LRBA: variants seen among roughly 807,000 people sequenced by gnomAD.
LRBA encodes LPS responsive beige-like anchor protein.
In LRBA, 176 loss-of-function variants were observed where a neutral mutation model predicts 330.0. The observed-to-expected ratio is 0.53, with a 90% CI of 0.47 to 0.60. LRBA has a LOEUF of 0.60. Ranked by LOEUF, LRBA falls within the 20% of genes least tolerant of loss-of-function variation. The pLI is 0.00. For synonymous variants in LRBA, 1,230 were observed against 1,193.0 expected (o/e 1.03, Z -0.64); for missense variants, 3,259 against 3,444.8 (o/e 0.95, Z 1.35).
At chr4:150,330,552 T>C (rs74551570) in intron 48 of LRBA, among the ~76,000 whole-genome samples, 6,749 of 152,196 alleles carry the variant, frequency 0.044, 350 homozygotes, top group African/African-American at 0.13. Context: ...TTACCTGAGA[T>C]GACCAGGCAT....
At chr4:150,360,748 G>A (rs1292129907) in intron 47 of LRBA, among the ~76,000 whole-genome samples, 1 of 152,206 alleles carries the variant, frequency 6.6e-6, no homozygotes, top group African/African-American at 2.4e-5. Context: ...GTGCCGTGAA[G>A]AATGGCTACA....
intron 47 of LRBA, among the ~76,000 whole-genome samples, chr4:150,376,877 G>C (rs970123844): frequency 6.6e-6 from 1 of 151,906 alleles, no homozygotes; most frequent in Non-Finnish European, 1.5e-5. Context: ...TGAGACCTTG[G>C]CTCCTCTTTT....
At chr4:150,955,261 A>G (rs1737409628) in intron 2 of LRBA, among the ~76,000 whole-genome samples, 1 of 148,856 alleles carries the variant, frequency 6.7e-6, no homozygotes, top group Non-Finnish European at 1.5e-5. Flanking sequence ...AAAGAGTGAC[A>G]CACTATCTCA....
intron 53 of LRBA, 22 bp from the exon 54 acceptor site, chr4:150,286,056 A>C (rs767927828): frequency 6.8e-6 from 10 of 1,468,080 alleles, no homozygotes; most frequent in Non-Finnish European, 9.3e-6. Flanking sequence ...AACAGATAAA[A>C]AGAACAAATC....
At chr4:150,568,829 C>A (rs1188053868) in intron 40 of LRBA, among the ~76,000 whole-genome samples, 3 of 152,150 alleles carry the variant, frequency 2.0e-5, no homozygotes, top group African/African-American at 7.2e-5. Context: ...TTTTAAAATG[C>A]CTTACAATTT....
intron 44 of LRBA, among the ~76,000 whole-genome samples, chr4:150,460,048 C>G (rs1291466775): frequency 1.3e-5 from 2 of 151,520 alleles, no homozygotes; most frequent in Admixed American, 6.6e-5. Flanking sequence ...ATTCCCCCCA[C>G]CCCCAAGAGT....
At chr4:150,927,000 G>A (rs917341997) in intron 4 of LRBA, among the ~76,000 whole-genome samples, 9 of 151,798 alleles carry the variant, frequency 5.9e-5, no homozygotes, top group Non-Finnish European at 1.0e-4. Flanking sequence ...GAACCCAGGA[G>A]GTGGAGGTTG....
At chr4:150,730,396 G>T (rs1172873899) in intron 36 of LRBA, among the ~76,000 whole-genome samples, 1 of 152,114 alleles carries the variant, frequency 6.6e-6, no homozygotes, top group Non-Finnish European at 1.5e-5. Flanking sequence ...ATGAAAAGGT[G>T]TTCAGGCCGG....
At chr4:150,946,644 A>G (rs183647094) in intron 2 of LRBA, among the ~76,000 whole-genome samples, 1 of 152,240 alleles carries the variant, frequency 6.6e-6, no homozygotes. Context: ...CACTAAAACC[A>G]GAAGTCTCAA....
chr4:150,908,492 A>G (rs1393547496), intron 10 of LRBA, 25 bp from the exon 11 acceptor site: 1 of 1,573,028 alleles, frequency 6.4e-7, no homozygotes, highest in Non-Finnish European at 8.6e-7. Flanking sequence ...AACACAGTAA[A>G]GAGTTCAATG....
Position 150,975,461 on chromosome 4 carries a change from G to C in LRBA, c.216+38966C>G, listed in dbSNP as rs1458903405. ...GAATCCCTTGAACCCGGGAGACGGA[G>C]GTTGCAGTGAGCCCAGATCGCACCA... On this transcript the variant is annotated intron_variant, in intron 2 of 56. Coordinates refer to ENST00000651943, the MANE Select transcript of LRBA (RefSeq NM_001364905.1). 2.0e-5 allele frequency among the ~76,000 whole-genome samples: 3 copies of C among 151,754 alleles called. No individual in the cohort carries two copies. The East Asian group carries it at 5.8e-4, about 29-fold the overall frequency.
intron 40 of LRBA, among the ~76,000 whole-genome samples, chr4:150,535,799 A>C (rs371211489): frequency 6.6e-6 from 1 of 152,192 alleles, no homozygotes; most frequent in East Asian, 1.9e-4. Flanking sequence ...TTCGTTCTTA[A>C]GACAAGGGTG....
chr4:150,882,997 A>T (rs1291160740), intron 17 of LRBA, among the ~76,000 whole-genome samples: 1 of 152,224 alleles, frequency 6.6e-6, no homozygotes, highest in Non-Finnish European at 1.5e-5. Context: ...TGGAAATGTT[A>T]CTGATGACTA....
intron 9 of LRBA, among the ~76,000 whole-genome samples, chr4:150,911,960 A>T (rs1399352416): frequency 6.6e-6 from 1 of 152,086 alleles, no homozygotes; most frequent in Non-Finnish European, 1.5e-5. Flanking sequence ...TTTCTTCTAA[A>T]TTATCCGATT....
intron 46 of LRBA, among the ~76,000 whole-genome samples, chr4:150,434,223 A>T (rs909164954): frequency 6.6e-6 from 1 of 152,252 alleles, no homozygotes; most frequent in South Asian, 2.1e-4. Context: ...ATATCTCATT[A>T]TACTTAATAG....
rs571281055 is a variant in LRBA, at chr4:150,876,794, A to G, written c.2166-4039T>C. ...AGCTTGCAAACCTTATAAAACAACC[A>G]CACAAAAGAAATTACAAAGCAACCA... On this transcript the variant is annotated intron_variant, in intron 17 of 56. Transcript: ENST00000651943. 2.3e-4 allele frequency among the ~76,000 whole-genome samples: 35 copies of G among 152,304 alleles called. 2 individuals are homozygous for G. The South Asian group carries it at 7.3e-3, about 32-fold the overall frequency.
chr4:150,901,431 G>T (rs1238704030), intron 13 of LRBA, among the ~76,000 whole-genome samples: 1 of 152,132 alleles, frequency 6.6e-6, no homozygotes. Flanking sequence ...TTGCTAGAGG[G>T]TATATTTTAT....
intron 17 of LRBA, among the ~76,000 whole-genome samples, chr4:150,882,262 C>A (rs1489623786): frequency 5.9e-5 from 9 of 152,120 alleles, no homozygotes; most frequent in African/African-American, 2.2e-4. Context: ...ACACTTCTAA[C>A]CAAAGCAGAA....
chr4:150,478,412 C>A (rs1756949291), intron 42 of LRBA, among the ~76,000 whole-genome samples: 1 of 152,160 alleles, frequency 6.6e-6, no homozygotes, highest in African/African-American at 2.4e-5. Context: ...CCAGTAAATG[C>A]CACTGAGCAG....
Sources: gnomAD v4.1 joint callset for allele counts (sites outside exome capture counted in the v4.1 genomes callset) on GRCh38, gnomAD v4.1.1 for gene constraint, MANE v1.5 for transcripts, NCBI Gene and HGNC (gene_info 2026-07-23, HGNC 2026-07-21) for gene names.